Variants in STXBP4 observed in about 807,000 individuals in gnomAD.
The protein encoded by STXBP4 is syntaxin binding protein 4, also known as syntaxin-binding protein 4.
A neutral mutation model predicts 76.1 loss-of-function variants in STXBP4; 55 were observed. The ratio of observed to expected loss-of-function variants is 0.72; its 90% CI spans 0.58 to 0.91. The LOEUF is 0.91. STXBP4 is among the 40% of genes least tolerant of loss of function. The pLI is 0.00. For missense variants in STXBP4, 618 were observed against 636.9 expected (o/e 0.97, Z 0.32); for synonymous variants, 201 against 220.2 (o/e 0.91, Z 0.77).
rs77088461 is a variant in STXBP4, at chr17:55,078,971, G to T, written c.1355+236G>T. On this transcript the variant is annotated intron_variant, in intron 15 of 17. Coordinates refer to ENST00000376352, the MANE Select transcript of STXBP4 (RefSeq NM_178509.6). ...TGTAACCTTGTAATCTAAAATTATGGTAGAAACCACCTATCCTGTCTTTAT... is the reference window on the plus strand; with the variant it reads ...TGTAACCTTGTAATCTAAAATTATGTTAGAAACCACCTATCCTGTCTTTAT... 8.8e-3 allele frequency among the ~76,000 whole-genome samples: 1,342 copies of T among 152,164 alleles called. 10 individuals are homozygous for T. The highest frequency in any genetic ancestry group is 0.048 in the Middle Eastern group (14 of 294).
intron 3 of STXBP4, among the ~76,000 whole-genome samples, chr17:54,989,949 G>A (rs1010312008): frequency 1.3e-5 from 2 of 152,094 alleles, no homozygotes; most frequent in African/African-American, 4.8e-5. Context: ...GCTTTAAATG[G>A]CCACAGACAT....
intron 3 of STXBP4, among the ~76,000 whole-genome samples, chr17:54,989,756 A>G (rs1481609740): frequency 6.6e-6 from 1 of 152,230 alleles, no homozygotes; most frequent in Non-Finnish European, 1.5e-5. Flanking sequence ...TGACCCAGGT[A>G]TTCAGAAATG....
At chr17:55,129,901 CA>C (rs1261741263) in intron 16 of STXBP4, among the ~76,000 whole-genome samples, 1 of 152,164 alleles carries the variant, frequency 6.6e-6, no homozygotes, top group East Asian at 1.9e-4. Flanking sequence ...AACCTTAAGA[CA>C]AAGAGATTAT....
rs576391460 is a variant in STXBP4, at chr17:55,027,553, A to T, written c.667-3615A>T. The stretch of plus-strand genomic sequence containing the variant: ...TGTAATCAAAAACTACTTGTATCCC[A>T]AAAGCTATTGAAATAAAAAAAGAAA... On this transcript the variant is annotated intron_variant, in intron 8 of 17. Transcript: ENST00000376352. Among the ~76,000 whole-genome samples, 4 of 152,326 alleles carry T rather than the reference A, an allele frequency of 2.6e-5. No homozygotes were observed. In the East Asian group the frequency reaches 7.7e-4, roughly 29 times the overall value.
intron 12 of STXBP4, among the ~76,000 whole-genome samples, chr17:55,061,224 C>T (rs1295695360): frequency 6.6e-6 from 1 of 152,132 alleles, no homozygotes; most frequent in Non-Finnish European, 1.5e-5. Context: ...AAACCAAGAA[C>T]AAATTAAATG....
intron 1 of STXBP4, among the ~76,000 whole-genome samples, chr17:54,981,410 A>C (rs1457115580): frequency 6.6e-6 from 1 of 152,040 alleles, no homozygotes; most frequent in Non-Finnish European, 1.5e-5. Flanking sequence ...CCAGAATAAA[A>C]ATTACAGAAG....
the STXBP4 span, among the ~76,000 whole-genome samples, chr17:55,182,245 A>G: frequency 6.6e-6 from 1 of 152,184 alleles, no homozygotes; most frequent in Non-Finnish European, 1.5e-5. Context: ...GAGATAAAAG[A>G]CGAAATTCGA....
chr17:55,130,098 A>G (rs981440059), intron 16 of STXBP4, among the ~76,000 whole-genome samples: 3 of 152,216 alleles, frequency 2.0e-5, no homozygotes, highest in African/African-American at 4.8e-5. Context: ...GCTGATGGCC[A>G]GCAAAAAAAC....
At chr17:55,203,882 C>A in the STXBP4 span, among the ~76,000 whole-genome samples, 1 of 151,500 alleles carries the variant, frequency 6.6e-6, no homozygotes, top group Non-Finnish European at 1.5e-5. Context: ...TAAGATTTTT[C>A]TCTTTATCTT....
chr17:54,999,534 A>G, intron 5 of STXBP4, 83 bp downstream of exon 5: 7 of 1,438,292 alleles, frequency 4.9e-6, no homozygotes, highest in East Asian at 2.4e-5. Context: ...TAAGTACTTT[A>G]TAATAAGTAT....
At chr17:55,192,583 T>C in the STXBP4 span, among the ~76,000 whole-genome samples, 1 of 152,122 alleles carries the variant, frequency 6.6e-6, no homozygotes, top group Non-Finnish European at 1.5e-5. Context: ...TGAAAGGAAA[T>C]ACCTGAAGAG....
chr17:55,027,640 A>T (rs1006615882), intron 8 of STXBP4, among the ~76,000 whole-genome samples: 17 of 152,242 alleles, frequency 1.1e-4, no homozygotes, highest in African/African-American at 4.1e-4. Flanking sequence ...GAGTGAAAAA[A>T]GCAAGTTTTA....
rs117728629 is a variant in STXBP4 at position 55,123,049 on chromosome 17, C to A, written c.1490-18261C>A. Among the ~76,000 whole-genome samples, 526 of 152,260 alleles carry A rather than the reference C, an allele frequency of 3.5e-3. 13 individuals carry two copies. Among genetic ancestry groups the A allele is most frequent in the Middle Eastern group, 0.027 (8 of 294 alleles). On this transcript the variant is annotated intron_variant, in intron 16 of 17. Coordinates refer to ENST00000376352, the MANE Select transcript of STXBP4 (RefSeq NM_178509.6). ...TTCCTTGTAAATGTGTTATCCCTCT[C>A]CTTTTTTGTCATCAGTTAAAGCAGA...
intron 16 of STXBP4, among the ~76,000 whole-genome samples, chr17:55,107,115 T>G (rs1287438605): frequency 4.6e-5 from 7 of 152,212 alleles, no homozygotes; most frequent in Non-Finnish European, 1.0e-4. Context: ...CCCATATTTC[T>G]TGGAGGCTTT....
At chr17:54,976,686 G>T (rs1822578740) in intron 1 of STXBP4, among the ~76,000 whole-genome samples, 1 of 152,172 alleles carries the variant, frequency 6.6e-6, no homozygotes, top group African/African-American at 2.4e-5. Flanking sequence ...ATCAGTGGCA[G>T]CATTAGATTC....
intron 16 of STXBP4, among the ~76,000 whole-genome samples, chr17:55,104,559 T>A (rs1464208647): frequency 2.6e-5 from 4 of 152,220 alleles, no homozygotes; most frequent in Non-Finnish European, 4.4e-5. Flanking sequence ...TGCATTGTCG[T>A]TCATCAGGGA....
At chr17:54,969,142 C>T (rs1333527382) in intron 1 of STXBP4, among the ~76,000 whole-genome samples, 1 of 152,188 alleles carries the variant, frequency 6.6e-6, no homozygotes. Context: ...CCTGCATTTT[C>T]TCAGCCCGTG....
chr17:55,197,975 A>G, the STXBP4 span, among the ~76,000 whole-genome samples: 1 of 152,212 alleles, frequency 6.6e-6, no homozygotes, highest in Non-Finnish European at 1.5e-5. Flanking sequence ...CAAGGAAGGA[A>G]AGCAGAGATT....
chr17:55,129,272 C>T (rs2079948736), intron 16 of STXBP4, among the ~76,000 whole-genome samples: 1 of 152,076 alleles, frequency 6.6e-6, no homozygotes, highest in African/African-American at 2.4e-5. Context: ...CCTCTGGCTT[C>T]TCATTCTCCT....
Sources: gnomAD v4.1 joint callset for allele counts (sites outside exome capture counted in the v4.1 genomes callset) on GRCh38, gnomAD v4.1.1 for gene constraint, MANE v1.5 for transcripts, NCBI Gene and HGNC (gene_info 2026-07-23, HGNC 2026-07-21) for gene names.